The following SGCZ variants were observed in gnomAD, a reference collection of about 807,000 sequenced individuals.
SGCZ encodes sarcoglycan zeta.
Under a neutral mutation model 41.3 loss-of-function variants are expected in SGCZ, and 40 were observed. The observed-to-expected ratio is 0.97, with a 90% confidence interval of 0.75 to 1.26. The LOEUF (loss-of-function observed/expected upper bound fraction) is 1.26, where lower values mean the gene tolerates loss of function less well. Among genes scored for constraint, SGCZ ranks in the 50% most tolerant of loss-of-function variants. SGCZ has a pLI of 0.00. For synonymous variants in SGCZ, 206 were observed against 137.5 expected (o/e 1.50, Z -3.49); for missense variants, 552 against 369.8 (o/e 1.49, Z -4.04).
chr8:14,605,474 C>A (rs893584846), intron 1 of SGCZ, among the ~76,000 whole-genome samples: 14 of 152,062 alleles, frequency 9.2e-5, no homozygotes, highest in African/African-American at 3.4e-4. Flanking sequence ...TATAGCCACC[C>A]TGTTATGCTA....
chr8:14,660,426 G>C (rs546911851), intron 1 of SGCZ, among the ~76,000 whole-genome samples: 3 of 151,838 alleles, frequency 2.0e-5, no homozygotes. Flanking sequence ...ACTCAAATTA[G>C]CCAGGCGTGG....
intron 7 of SGCZ, among the ~76,000 whole-genome samples, chr8:14,096,176 G>C (rs539665047): frequency 5.3e-5 from 8 of 152,186 alleles, no homozygotes; most frequent in African/African-American, 1.4e-4. Flanking sequence ...TCCTTGTCTT[G>C]TGCCAGTTTT....
chr8:15,192,397 T>G (rs1361101921), intron 1 of SGCZ, among the ~76,000 whole-genome samples: 1 of 152,150 alleles, frequency 6.6e-6, no homozygotes, highest in Non-Finnish European at 1.5e-5. Context: ...TGCTGAAATA[T>G]AACAGTTTGT....
intron 1 of SGCZ, among the ~76,000 whole-genome samples, chr8:14,769,600 T>G (rs1800161734): frequency 6.6e-6 from 1 of 151,920 alleles, no homozygotes; most frequent in Non-Finnish European, 1.5e-5. Flanking sequence ...GAGACCAGCC[T>G]GGCCAGCATG....
chr8:15,158,737 G>C lies in SGCZ; in HGVS notation c.39+78848C>G, dbSNP rs185198016. 4.2e-3 allele frequency among the ~76,000 whole-genome samples: 645 copies of C among 152,248 alleles called. 4 individuals are homozygous for C. The highest frequency in any genetic ancestry group is 0.014 in the African/African-American group (590 of 41,540). On this transcript the variant is annotated intron_variant, in intron 1 of 7. Coordinates refer to ENST00000382080, the MANE Select transcript of SGCZ (RefSeq NM_139167.4). ...TACAAAATAAAGGTAAAGGAGTTTA[G>C]GATTTCCCCAAAGACAATTTTGGAG...
At chr8:14,427,710 A>G (rs897100958) in intron 2 of SGCZ, among the ~76,000 whole-genome samples, 1 of 152,156 alleles carries the variant, frequency 6.6e-6, no homozygotes, top group Non-Finnish European at 1.5e-5. Context: ...CCCTATTAGC[A>G]GGTAACTATC....
At chr8:14,397,427 A>C (rs1798949999) in intron 2 of SGCZ, among the ~76,000 whole-genome samples, 1 of 150,892 alleles carries the variant, frequency 6.6e-6, no homozygotes, top group Admixed American at 6.6e-5. Context: ...TAATGGCATA[A>C]TTTCTTTTTT....
chr8:15,096,717 C>T (rs190179062), intron 1 of SGCZ, among the ~76,000 whole-genome samples: 26 of 152,084 alleles, frequency 1.7e-4, no homozygotes, highest in African/African-American at 4.3e-4. Flanking sequence ...GACACAGTCT[C>T]GCTCTGTCTC....
rs533494518 is a variant in SGCZ, at chr8:15,237,930, T to G, written c.-307A>C. The G allele has an allele frequency of 5.1e-4, 157 of 307,820 alleles. No homozygotes were observed. Among genetic ancestry groups the G allele is most frequent in the African/African-American group, 3.2e-3 (150 of 46,976 alleles). The allele number at this position is 307,820 out of a possible 1,614,324, so 19.1% of individuals were successfully genotyped here. ...GAAAAAAGGAAAAAAAAATCCACTC[T>G]ATTTAAGATTATTTCTTCTTCTGCA... On this transcript the variant is annotated 5_prime_UTR_variant, in exon 1 of 8. Transcript: ENST00000382080.
chr8:15,174,515 T>G (rs1462429275), intron 1 of SGCZ, among the ~76,000 whole-genome samples: 4 of 152,218 alleles, frequency 2.6e-5, no homozygotes, highest in African/African-American at 9.6e-5. Flanking sequence ...AAGTATACTT[T>G]ATGTAATATA....
chr8:15,170,011 A>G (rs990470618), intron 1 of SGCZ, among the ~76,000 whole-genome samples: 3 of 152,228 alleles, frequency 2.0e-5, no homozygotes, highest in African/African-American at 7.2e-5. Flanking sequence ...TGGCCAGGAA[A>G]AAGGACATCT....
intron 1 of SGCZ, among the ~76,000 whole-genome samples, chr8:14,710,607 T>A (rs2117622962): frequency 6.6e-6 from 1 of 152,170 alleles, no homozygotes; most frequent in Admixed American, 6.5e-5. Context: ...CTGCCTTATT[T>A]GTGTATTTAT....
intron 1 of SGCZ, among the ~76,000 whole-genome samples, chr8:14,611,977 A>G (rs1455540146): frequency 6.6e-6 from 1 of 152,196 alleles, no homozygotes; most frequent in Non-Finnish European, 1.5e-5. Flanking sequence ...AGTAATTCTT[A>G]TTGCTCTAGG....
At chr8:14,934,213 G>A (rs541409269) in intron 1 of SGCZ, among the ~76,000 whole-genome samples, 2 of 151,938 alleles carry the variant, frequency 1.3e-5, no homozygotes, top group Non-Finnish European at 2.9e-5. Flanking sequence ...AATCCAGAAT[G>A]GAATAGGGCA....
At chr8:14,644,953 A>AAT (rs1379135302) in intron 1 of SGCZ, among the ~76,000 whole-genome samples, 2 of 150,532 alleles carry the variant, frequency 1.3e-5, no homozygotes, top group Non-Finnish European at 3.0e-5. Flanking sequence ...TGCATAAATA[A>AAT]AAAAAAAAAG....
At chr8:15,234,703 C>T (rs1231765666) in intron 1 of SGCZ, among the ~76,000 whole-genome samples, 2 of 152,126 alleles carry the variant, frequency 1.3e-5, no homozygotes, top group East Asian at 3.8e-4. Context: ...AAAGAAAACA[C>T]TATTGACACT....
At chr8:14,982,007 A>G (rs998680558) in intron 1 of SGCZ, among the ~76,000 whole-genome samples, 4 of 151,836 alleles carry the variant, frequency 2.6e-5, no homozygotes, top group Non-Finnish European at 5.9e-5. Context: ...AAAATTAGCC[A>G]GGCGTGGTGG....
At chr8:14,824,953 G>A (rs776227402) in intron 1 of SGCZ, among the ~76,000 whole-genome samples, 1 of 152,030 alleles carries the variant, frequency 6.6e-6, no homozygotes, top group Admixed American at 6.6e-5. Flanking sequence ...TCAGACTCTG[G>A]TAGACATACT....
intron 2 of SGCZ, among the ~76,000 whole-genome samples, chr8:14,527,588 A>G (rs561866231): frequency 6.6e-6 from 1 of 152,260 alleles, no homozygotes; most frequent in South Asian, 2.1e-4. Context: ...CCACGCCATG[A>G]TGTCATTGTC....
Sources: allele counts gnomAD v4.1 joint callset (sites outside exome capture counted in the v4.1 genomes callset), GRCh38; gene constraint gnomAD v4.1.1; transcripts MANE v1.5; gene names NCBI Gene and HGNC (gene_info 2026-07-23, HGNC 2026-07-21).